FHL1: variants seen among roughly 807,000 people sequenced by gnomAD.
FHL1 encodes four and a half LIM domains 1, also known as four and a half LIM domains protein 1.
Under a neutral mutation model 20.3 loss-of-function variants are expected in FHL1, and 1 was observed. That is an observed-to-expected ratio of 0.05 (90% CI 0.02 to 0.23). The LOEUF is 0.23. FHL1 is among the 10% of genes least tolerant of loss of function. FHL1 has a pLI of 1.00. For synonymous variants in FHL1, 82 were observed against 88.9 expected (o/e 0.92, Z 0.44); for missense variants, 177 against 234.0 (o/e 0.76, Z 1.59).
intron 2 of FHL1, among the ~76,000 whole-genome samples, chrX:136,186,708 G>A (rs1280798730): frequency 9.1e-6 from 1 of 110,021 alleles, no homozygotes; most frequent in Non-Finnish European, 1.9e-5. Flanking sequence ...ACAAAAATTA[G>A]CTGGGCATGG....
rs746834335 is a variant in FHL1, at chrX:136,207,050, C to A, written c.239C>A (p.Thr80Asn). The change falls in exon 3 of 6, where the codon ACC (threonine) becomes AAC (asparagine). Residue 80 changes from threonine (T) to asparagine (N), a missense_variant. Physicochemically the swap from Thr to Asn is moderately conservative, Grantham distance 65. Transcript: ENST00000370683. ...TATAAGAACCGCTTCTGGCATGACA[C>A]CTGCTTCCGCTGTGCCAAGTGCCTT... ...VHYKNRFWHD[T>N]CFRCAKCLHP... 7.4e-6 allele frequency: 9 copies of A among 1,211,578 alleles called. No individual in the cohort carries two copies. Among genetic ancestry groups the A allele is most frequent in the Non-Finnish European group, 8.9e-6 (8 of 895,517 alleles).
chrX:136,208,279 G>C (rs188378267), intron 4 of FHL1, among the ~76,000 whole-genome samples, 176 bp from the exon 5 acceptor site: 1 of 112,210 alleles, frequency 8.9e-6, no homozygotes, highest in Non-Finnish European at 1.9e-5. Context: ...CCTTCTCCGA[G>C]CCTTGGTGTC....
At chrX:136,197,626 C>G (rs1294856628) in intron 1 of FHL1, among the ~76,000 whole-genome samples, 1 of 112,565 alleles carries the variant, frequency 8.9e-6, no homozygotes, top group Non-Finnish European at 1.9e-5. Flanking sequence ...TAAATCTTCC[C>G]GAAGTAACAG....
intron 1 of FHL1, among the ~76,000 whole-genome samples, chrX:136,197,868 C>T (rs910613775): frequency 2.6e-4 from 29 of 111,618 alleles, no homozygotes; most frequent in Admixed American, 2.6e-3. Context: ...GCCTAAGTAA[C>T]GGTTCCCTTT....
At chrX:136,161,379 C>T (rs1430934975) in intron 1 of FHL1, among the ~76,000 whole-genome samples, 1 of 111,792 alleles carries the variant, frequency 8.9e-6, no homozygotes, top group East Asian at 2.8e-4. Flanking sequence ...TTCAAAGTAC[C>T]AGAGCAACAT....
chrX:136,184,797 C>A (rs2073247289), intron 2 of FHL1, among the ~76,000 whole-genome samples: 1 of 111,929 alleles, frequency 8.9e-6, no homozygotes, highest in Non-Finnish European at 1.9e-5. Flanking sequence ...ATATATATTT[C>A]TTTAATGACC....
chrX:136,182,505 C>T (rs1205492985), intron 2 of FHL1, among the ~76,000 whole-genome samples: 3 of 112,309 alleles, frequency 2.7e-5, no homozygotes, highest in Non-Finnish European at 5.6e-5. Flanking sequence ...GTGGAAAGCA[C>T]GCCCTACATT....
intron 1 of FHL1, among the ~76,000 whole-genome samples, chrX:136,156,861 C>T (rs757187250): frequency 9.0e-5 from 10 of 110,809 alleles, no homozygotes; most frequent in Non-Finnish European, 1.7e-4. Flanking sequence ...TAGTTTTATG[C>T]GTCATTCTGG....
In FHL1 at chrX:136,154,691, T is replaced by C. The variant is rs149921055; in HGVS notation, c.-101+7063T>C. On this transcript the variant is annotated intron_variant, in intron 1 of 7. Transcript: ENST00000394155. ...TAAACTGTACACACATACGTGAAAT[T>C]GTTGTTTTAATCTGGCATCTTTTTT... Among the ~76,000 whole-genome samples, 324 of 111,617 alleles carry C rather than the reference T, an allele frequency of 2.9e-3. 1 individual carries two copies. The highest frequency in any genetic ancestry group is 4.6e-3 in the Middle Eastern group (1 of 217).
Position 136,210,740 on chromosome X carries a change from A to C in FHL1, c.*715A>C. 1 of 389,041 alleles carries C rather than the reference A, an allele frequency of 2.6e-6. No homozygotes were observed. The highest frequency in any genetic ancestry group is 4.8e-6 in the Non-Finnish European group (1 of 206,327). The allele number at this position is 389,041 out of a possible 1,213,427, so 32.1% of individuals were successfully genotyped here. On this transcript the variant is annotated 3_prime_UTR_variant, in exon 6 of 6. Transcript: ENST00000370683. ...AGACCTGAGAAAACGAGCCTGTTTC[A>C]GAGGAACATCGTCACAACGAATACT...
intron 2 of FHL1, among the ~76,000 whole-genome samples, chrX:136,186,118 A>G (rs747161847): frequency 2.7e-5 from 3 of 112,250 alleles, no homozygotes; most frequent in African/African-American, 9.7e-5. Flanking sequence ...TATAATCTCC[A>G]TTGCCACTAA....
At chrX:136,151,290 G>A (rs111569469) in intron 1 of FHL1, among the ~76,000 whole-genome samples, 1,955 of 52,067 alleles carry the variant, frequency 0.038, 45 homozygotes, top group African/African-American at 0.084. Context: ...CTGAAATGTC[G>A]ATATGCCGAG....
rs1356489701 is a variant in FHL1 at position 136,202,300 on chromosome X, G to A, written c.23-4107G>A. ...GAATTGCTTGAACCCAGGAGGTGGA[G>A]GTTGCAGTGAGCCAGGATAGCACCA... is the stretch of plus-strand genomic sequence containing the variant. On this transcript the variant is annotated intron_variant, in intron 1 of 5. Transcript: ENST00000370683. Among the ~76,000 whole-genome samples the A allele has an allele frequency of 3.6e-5, 4 of 112,348 alleles. No homozygotes were observed. The Admixed American group carries it at 3.7e-4, about 11-fold the overall frequency.
chrX:136,147,261 C>T (rs1444925536), upstream of FHL1: 6 of 115,553 alleles, frequency 5.2e-5, no homozygotes, highest in East Asian at 1.7e-3. Flanking sequence ...CCGGCCCTCT[C>T]CAGTGGCGGG....
intron 1 of FHL1, among the ~76,000 whole-genome samples, chrX:136,164,083 C>G (rs2072646511): frequency 8.9e-6 from 1 of 112,101 alleles, no homozygotes; most frequent in South Asian, 3.7e-4. Flanking sequence ...ACAAGAATTT[C>G]AAGGTTTTTA....
rs772792697 is a variant in FHL1 at position 136,179,995 on chromosome X, G to A, written c.-27+10015G>A. Among the ~76,000 whole-genome samples, 24 of 111,711 alleles carry A rather than the reference G, an allele frequency of 2.1e-4. No individual in the cohort carries two copies. In the East Asian group the frequency reaches 5.6e-3, roughly 26 times the overall value. ...CAGAGTACGCTGAAGGCATCTGTAC[G>A]CTTTACCCCTAAACACTTCAGCTTT... is the stretch of plus-strand genomic sequence containing the variant. On this transcript the variant is annotated intron_variant, in intron 2 of 6. Coordinates refer to the FHL1 transcript ENST00000394153.
At chrX:136,159,138 T>TAAAA (rs112840298) in intron 1 of FHL1, among the ~76,000 whole-genome samples, 8 of 92,662 alleles carry the variant, frequency 8.6e-5, no homozygotes, top group African/African-American at 1.2e-4. Context: ...CTAAAACTGC[T>TAAAA]AAAAAAAAAA....
upstream of FHL1, chrX:136,169,572 T>G (rs957329579): frequency 1.2e-5 from 3 of 249,189 alleles, no homozygotes; most frequent in East Asian, 3.2e-4. Flanking sequence ...AGTCATTTGT[T>G]TTGATTACCC....
At chrX:136,168,410 C>G (rs2072770756), upstream of FHL1, 1 of 111,617 alleles carries the variant, frequency 9.0e-6, no homozygotes, top group Non-Finnish European at 1.9e-5. Flanking sequence ...CTTCCTGACA[C>G]CAAGATACTT....
Sources: allele counts gnomAD v4.1 joint callset (sites outside exome capture counted in the v4.1 genomes callset), GRCh38; gene constraint gnomAD v4.1.1; transcripts MANE v1.5; gene names NCBI Gene and HGNC (gene_info 2026-07-23, HGNC 2026-07-21).